INPP4B: variants seen among roughly 807,000 people sequenced by gnomAD.
INPP4B encodes inositol polyphosphate 4-phosphatase type II.
In INPP4B, 55 loss-of-function variants were observed where a neutral mutation model predicts 122.5. The ratio of observed to expected loss-of-function variants is 0.45; its 90% confidence interval spans 0.36 to 0.56. The LOEUF (loss-of-function observed/expected upper bound fraction) is 0.56, where lower values mean the gene tolerates loss of function less well. INPP4B is among the 20% of genes least tolerant of loss of function. The pLI, the probability that INPP4B is intolerant of heterozygous loss-of-function variation, is 0.00. For synonymous variants in INPP4B, 403 were observed against 388.7 expected (o/e 1.04, Z -0.43); for missense variants, 1,000 against 1,097.7 (o/e 0.91, Z 1.26).
At chr4:142,444,586 A>G (rs142792322) in intron 3 of INPP4B, among the ~76,000 whole-genome samples, 1,829 of 152,140 alleles carry the variant, frequency 0.012, 35 homozygotes, top group African/African-American at 0.041. Flanking sequence ...CAACCACTGT[A>G]GAAGACAGTG....
chr4:142,391,964 T>G (rs1797837632), intron 7 of INPP4B, among the ~76,000 whole-genome samples: 1 of 152,180 alleles, frequency 6.6e-6, no homozygotes, highest in South Asian at 2.1e-4. Flanking sequence ...TAAAAGTAAA[T>G]TATTATGCTA....
intron 2 of INPP4B, among the ~76,000 whole-genome samples, chr4:142,616,763 A>T (rs1743793688): frequency 6.6e-6 from 1 of 152,194 alleles, no homozygotes; most frequent in South Asian, 2.1e-4. Context: ...GCCATAAAAA[A>T]GAATGAAATC....
intron 2 of INPP4B, among the ~76,000 whole-genome samples, chr4:142,616,258 T>C (rs1229974635): frequency 6.6e-6 from 1 of 152,184 alleles, no homozygotes; most frequent in Non-Finnish European, 1.5e-5. Context: ...AGTTTATCTT[T>C]CCCAGTTATT....
At chr4:142,655,314 G>A (rs542378161) in intron 2 of INPP4B, among the ~76,000 whole-genome samples, 9 of 152,212 alleles carry the variant, frequency 5.9e-5, no homozygotes, top group South Asian at 4.1e-4. Context: ...TATTTTCTAA[G>A]CTTTCATTTA....
intron 2 of INPP4B, among the ~76,000 whole-genome samples, chr4:142,571,949 C>A (rs969888424): frequency 2.0e-5 from 3 of 152,034 alleles, no homozygotes; most frequent in Non-Finnish European, 4.4e-5. Flanking sequence ...GAATAAATTG[C>A]TTTTTTGGTT....
chr4:142,265,609 C>G (rs568244884), intron 10 of INPP4B, among the ~76,000 whole-genome samples: 4 of 152,178 alleles, frequency 2.6e-5, no homozygotes, highest in African/African-American at 9.6e-5. Flanking sequence ...TCTCAAACAT[C>G]GATATTCTTA....
chr4:142,719,326 T>C (rs1764203220), intron 2 of INPP4B, among the ~76,000 whole-genome samples: 1 of 152,112 alleles, frequency 6.6e-6, no homozygotes, highest in Non-Finnish European at 1.5e-5. Flanking sequence ...TACAATTTTC[T>C]TATTTTTTAT....
At chr4:142,164,685 T>G (rs1370870678) in intron 16 of INPP4B, among the ~76,000 whole-genome samples, 11 of 151,768 alleles carry the variant, frequency 7.2e-5, no homozygotes, top group Non-Finnish European at 1.5e-4. Flanking sequence ...CTATGGGAGT[T>G]CATTGTAAAC....
chr4:142,207,995 G>A (rs1034293445), intron 14 of INPP4B, among the ~76,000 whole-genome samples: 1 of 151,870 alleles, frequency 6.6e-6, no homozygotes, highest in Non-Finnish European at 1.5e-5. Flanking sequence ...CCATAAAAAA[G>A]GGAGTTTCTA....
At chr4:142,684,448 A>G (rs947465518) in intron 2 of INPP4B, among the ~76,000 whole-genome samples, 3 of 152,016 alleles carry the variant, frequency 2.0e-5, no homozygotes, top group African/African-American at 7.2e-5. Context: ...ACTGGAGATC[A>G]GTCTAATTTA....
chr4:142,115,663 G>T (rs201918725), intron 21 of INPP4B, among the ~76,000 whole-genome samples: 1 of 152,096 alleles, frequency 6.6e-6, no homozygotes, highest in African/African-American at 2.4e-5. Context: ...TCAAGGAAGC[G>T]CTAAACGTGG....
chr4:142,540,014 T>C (rs1254577225), intron 2 of INPP4B, among the ~76,000 whole-genome samples: 1 of 152,122 alleles, frequency 6.6e-6, no homozygotes, highest in Admixed American at 6.6e-5. Flanking sequence ...TTTTCTGTCC[T>C]TTTTAACTCC....
At chr4:142,463,223 A>T (rs1187085696) in intron 2 of INPP4B, among the ~76,000 whole-genome samples, 1 of 152,226 alleles carries the variant, frequency 6.6e-6, no homozygotes, top group African/African-American at 2.4e-5. Context: ...ATGCTGTTTC[A>T]GTTGGATCAG....
intron 2 of INPP4B, among the ~76,000 whole-genome samples, chr4:142,625,670 A>G (rs1046631788): frequency 2.6e-5 from 4 of 151,998 alleles, no homozygotes; most frequent in East Asian, 1.9e-4. Flanking sequence ...AGCCCGCATC[A>G]CCAAGTCAAT....
chr4:142,626,809 G>T (rs1037618968), intron 2 of INPP4B, among the ~76,000 whole-genome samples: 1 of 152,004 alleles, frequency 6.6e-6, no homozygotes. Flanking sequence ...TAAGTTAATT[G>T]TTCTTAATAC....
At chr4:142,543,576 T>G (rs1213993227) in intron 2 of INPP4B, among the ~76,000 whole-genome samples, 1 of 152,174 alleles carries the variant, frequency 6.6e-6, no homozygotes, top group Non-Finnish European at 1.5e-5. Flanking sequence ...AATCTTAAAA[T>G]TCAATTGTAG....
At chr4:142,731,851 A>T (rs1217438722) in intron 1 of INPP4B, among the ~76,000 whole-genome samples, 1 of 152,172 alleles carries the variant, frequency 6.6e-6, no homozygotes, top group Non-Finnish European at 1.5e-5. Context: ...AGTCTCTAAA[A>T]AGATGAACCT....
At chr4:142,784,914 A>G (rs1775518764) in intron 1 of INPP4B, among the ~76,000 whole-genome samples, 1 of 152,074 alleles carries the variant, frequency 6.6e-6, no homozygotes, top group Admixed American at 6.6e-5. Context: ...CAGCGATAAC[A>G]AAAAAGAGCT....
At position 142,037,618 on chromosome 4, in the gene INPP4B, A is replaced by G. The variant is rs567488437; in HGVS notation, c.2643-8704T>C. Among the ~76,000 whole-genome samples the G allele has an allele frequency of 3.9e-5, 6 of 152,314 alleles. No individual in the cohort carries two copies. The East Asian group carries it at 7.7e-4, about 20-fold the overall frequency. On this transcript the variant is annotated intron_variant, in intron 25 of 25. Coordinates refer to ENST00000262992, the MANE Select transcript of INPP4B (RefSeq NM_001101669.3). ...ATGAGAACATTTCACATTTAATTAC[A>G]TGCTTCAAGTTTGAAGCTATGGGTA...
Sources: allele counts gnomAD v4.1 joint callset (sites outside exome capture counted in the v4.1 genomes callset), GRCh38; gene constraint gnomAD v4.1.1; transcripts MANE v1.5; gene names NCBI Gene and HGNC (gene_info 2026-07-23, HGNC 2026-07-21).